The following HDAC9 variants were observed in gnomAD, a reference collection of about 807,000 sequenced individuals.
HDAC9 encodes MEF-2 interacting transcription repressor (MITR) protein.
A neutral mutation model predicts 139.4 loss-of-function variants in HDAC9; 41 were observed. The observed-to-expected ratio is 0.29, with a 90% CI of 0.23 to 0.38. The LOEUF is 0.38. Ranked by LOEUF, HDAC9 falls within the 10% of genes least tolerant of loss-of-function variation. HDAC9 has a pLI of 1.00. For missense variants in HDAC9, 1,147 were observed against 1,297.0 expected, an observed-to-expected ratio of 0.88 and a Z score of 1.78; for synonymous variants, 517 against 476.2, an observed-to-expected ratio of 1.09 and a Z score of -1.12.
intron 1 of HDAC9, among the ~76,000 whole-genome samples, chr7:18,461,572 A>C (rs1328545830): frequency 6.6e-6 from 1 of 152,112 alleles, no homozygotes; most frequent in Non-Finnish European, 1.5e-5. Flanking sequence ...CTTTTTTATT[A>C]TGTAAATATA....
At chr7:18,509,409 C>A in intron 2 of HDAC9, 1 of 985,404 alleles carries the variant, frequency 1.0e-6, no homozygotes, top group Non-Finnish European at 1.2e-6. Context: ...TCCTGGCCAA[C>A]GTGCTTTGTG....
At chr7:18,879,118 C>T (rs182059327) in intron 22 of HDAC9, among the ~76,000 whole-genome samples, 1 of 152,168 alleles carries the variant, frequency 6.6e-6, no homozygotes, top group East Asian at 1.9e-4. Flanking sequence ...TGAAACATCT[C>T]TACAATGAGA....
In HDAC9 at chr7:18,984,392, G is replaced by A. The variant is rs147404081; in HGVS notation, c.3170+8439G>A. Among the ~76,000 whole-genome samples, 481 of 152,102 alleles carry A rather than the reference G, an allele frequency of 3.2e-3. 5 individuals are homozygous for A. The highest frequency in any genetic ancestry group is 0.011 in the African/African-American group (452 of 41,490). On this transcript the variant is annotated intron_variant, in intron 25 of 25. Transcript: ENST00000686413. ...TCATGGCACAAAATTTAATGGAAGGGAATTAAAATATTTATTACCATTCGA... is the reference window on the plus strand; with the variant it reads ...TCATGGCACAAAATTTAATGGAAGGAAATTAAAATATTTATTACCATTCGA...
At chr7:18,708,393 GTC>G (rs1040129570) in intron 12 of HDAC9, among the ~76,000 whole-genome samples, 6 of 152,170 alleles carry the variant, frequency 3.9e-5, no homozygotes, top group African/African-American at 1.2e-4. Flanking sequence ...GTATTTGTGT[GTC>G]CACATGGCTT....
chr7:18,980,778 C>CTTCT (rs759757797), intron 25 of HDAC9, among the ~76,000 whole-genome samples: 2 of 95,960 alleles, frequency 2.1e-5, no homozygotes, highest in African/African-American at 7.6e-5. Context: ...CTTCTTCTTC[C>CTTCT]TCTTCTTCTT....
At chr7:18,719,977 A>G (rs1420378418) in intron 12 of HDAC9, among the ~76,000 whole-genome samples, 1 of 152,198 alleles carries the variant, frequency 6.6e-6, no homozygotes, top group African/African-American at 2.4e-5. Flanking sequence ...TTTCTGGATT[A>G]TCAATTCAGT....
Position 18,835,535 on chromosome 7 carries a change from C to G in HDAC9, c.2535C>G (p.Leu845=). 6.2e-6 allele frequency: 10 copies of G among 1,613,734 alleles called. No individual in the cohort carries two copies. Among genetic ancestry groups the G allele is most frequent in the Non-Finnish European group, 8.5e-6 (10 of 1,179,684 alleles). ...YADPSILYIS[L]HRYDEGNFFP... ...ACCCCAGCATCCTGTACATTTCACT[C>G]CATCGCTATGATGAAGGGAACTTTT... Residue 845 remains leucine (L), a synonymous_variant, in exon 20 of 26, where the codon CTC becomes CTG. Coordinates refer to ENST00000686413, the MANE Select transcript of HDAC9 (RefSeq NM_178425.4).
intron 1 of HDAC9, among the ~76,000 whole-genome samples, chr7:18,445,113 G>A (rs765086877): frequency 3.4e-4 from 52 of 152,010 alleles, no homozygotes; most frequent in Non-Finnish European, 6.2e-4. Context: ...CCAAATAAAC[G>A]AAACAAGAAT....
At chr7:18,604,829 C>A (rs545861805) in intron 6 of HDAC9, among the ~76,000 whole-genome samples, 7 of 152,114 alleles carry the variant, frequency 4.6e-5, no homozygotes, top group Non-Finnish European at 8.8e-5. Flanking sequence ...CCCATTAGAA[C>A]CCTTAACATA....
At chr7:18,720,488 T>G (rs1785057658) in intron 12 of HDAC9, among the ~76,000 whole-genome samples, 1 of 151,882 alleles carries the variant, frequency 6.6e-6, no homozygotes, top group African/African-American at 2.4e-5. Context: ...TATGTTGAAA[T>G]TTTAAAGACA....
chr7:18,781,759 T>C (rs1208302323), intron 16 of HDAC9, among the ~76,000 whole-genome samples: 1 of 151,936 alleles, frequency 6.6e-6, no homozygotes, highest in Non-Finnish European at 1.5e-5. Context: ...CAAATACCAC[T>C]TAGGTGGGAA....
At chr7:18,881,566 C>A (rs542795727) in intron 22 of HDAC9, among the ~76,000 whole-genome samples, 3 of 151,974 alleles carry the variant, frequency 2.0e-5, no homozygotes, top group Admixed American at 1.3e-4. Context: ...TTACTAATGA[C>A]TCTATACCTA....
chr7:18,919,762 ACTGT>A (rs1425695596), intron 22 of HDAC9, among the ~76,000 whole-genome samples: 3 of 151,914 alleles, frequency 2.0e-5, no homozygotes, highest in South Asian at 2.1e-4. Flanking sequence ...TCAAAATCTG[ACTGT>A]CTTTTATTTT....
At chr7:18,345,398 C>T (rs1782328239) in intron 1 of HDAC9, among the ~76,000 whole-genome samples, 1 of 151,904 alleles carries the variant, frequency 6.6e-6, no homozygotes, top group African/African-American at 2.4e-5. Flanking sequence ...TATTTCCTTT[C>T]ATATATTAGA....
intron 2 of HDAC9, among the ~76,000 whole-genome samples, chr7:18,281,303 A>T: frequency 6.6e-6 from 1 of 152,174 alleles, no homozygotes; most frequent in South Asian, 2.1e-4. Context: ...TCACTGACTT[A>T]TATTCATATA....
At chr7:18,525,909 T>G (rs1000030958) in intron 2 of HDAC9, among the ~76,000 whole-genome samples, 8 of 152,204 alleles carry the variant, frequency 5.3e-5, no homozygotes, top group African/African-American at 1.9e-4. Context: ...ACTCTTAAGT[T>G]CTTGCTGCCA....
rs141944479 is a variant in HDAC9 at position 18,554,835 on chromosome 7, T to C, written c.23-30446T>C. Among the ~76,000 whole-genome samples the C allele has an allele frequency of 8.0e-4, 122 of 152,298 alleles. 1 individual carries two copies. In the East Asian group the frequency reaches 0.018, roughly 23 times the overall value. On this transcript the variant is annotated intron_variant, in intron 2 of 25. Coordinates refer to ENST00000686413, the MANE Select transcript of HDAC9 (RefSeq NM_178425.4). ...CTATGAACCTGGTTCTTACAAATCA[T>C]TGGGTGCATCTCTGTCACTGTCTTC...
chr7:18,239,854 C>G (rs1054214571), intron 2 of HDAC9, among the ~76,000 whole-genome samples: 2 of 151,394 alleles, frequency 1.3e-5, no homozygotes, highest in Non-Finnish European at 2.9e-5. Flanking sequence ...GGTAAGTAGG[C>G]AAATAATACT....
In HDAC9 at chr7:18,496,256, C is replaced by T; in HGVS notation, c.-41-6C>T. 2 of 1,612,918 alleles carry T rather than the reference C, an allele frequency of 1.2e-6. No individual in the cohort carries two copies. Among genetic ancestry groups the T allele is most frequent in the Middle Eastern group, 1.7e-4 (1 of 6,054 alleles). On this transcript the variant is annotated splice_polypyrimidine_tract_variant and splice_region_variant and intron_variant, in intron 1 of 25. Transcript: ENST00000686413. Reference sequence around the variant, plus strand: ...ATTTACGAGAGTGACTCCTGTTTTTCCTCAGATGGGGTGGCTGGACGAGAG... The same window carrying T: ...ATTTACGAGAGTGACTCCTGTTTTTTCTCAGATGGGGTGGCTGGACGAGAG...
Sources: gnomAD v4.1 joint callset for allele counts (sites outside exome capture counted in the v4.1 genomes callset) on GRCh38, gnomAD v4.1.1 for gene constraint, MANE v1.5 for transcripts, NCBI Gene and HGNC (gene_info 2026-07-23, HGNC 2026-07-21) for gene names.